The following PCDH7 variants were observed in gnomAD, a reference collection of about 807,000 sequenced individuals.
The protein encoded by PCDH7 is protocadherin 7, also known as protocadherin-7.
In PCDH7, 17 loss-of-function variants were observed where a neutral mutation model predicts 58.9. The observed-to-expected ratio is 0.29, with a 90% confidence interval of 0.20 to 0.43. The LOEUF is 0.43. PCDH7 is among the 20% of genes least tolerant of loss of function. The probability of loss-of-function intolerance (pLI) is 1.00; values close to 1 mark genes in which losing one functional copy is unlikely to be tolerated. For missense variants in PCDH7, 1,274 were observed against 1,441.0 expected, an observed-to-expected ratio of 0.88 and a Z score of 1.88; for synonymous variants, 664 against 616.4, an observed-to-expected ratio of 1.08 and a Z score of -1.14.
intron 3 of PCDH7, among the ~76,000 whole-genome samples, chr4:31,037,031 A>G (rs535829184): frequency 6.6e-6 from 1 of 152,142 alleles, no homozygotes; most frequent in Non-Finnish European, 1.5e-5. Flanking sequence ...CGTCCCTCCC[A>G]TAGCACATGG....
At chr4:30,795,004 C>T (rs1472478166) in intron 1 of PCDH7, among the ~76,000 whole-genome samples, 1 of 151,924 alleles carries the variant, frequency 6.6e-6, no homozygotes, top group Non-Finnish European at 1.5e-5. Context: ...ACTATTTTTC[C>T]TCCCTCTTGG....
intron 3 of PCDH7, among the ~76,000 whole-genome samples, chr4:31,103,169 G>A (rs963278643): frequency 3.9e-5 from 6 of 152,052 alleles, no homozygotes; most frequent in African/African-American, 2.4e-5. Context: ...TCACATTTTG[G>A]TAACCATATT....
intron 3 of PCDH7, among the ~76,000 whole-genome samples, chr4:31,009,226 A>G (rs1413447737): frequency 6.6e-6 from 1 of 152,104 alleles, no homozygotes; most frequent in Admixed American, 6.6e-5. Flanking sequence ...TAAATTGTCA[A>G]ACATATGAGA....
intron 3 of PCDH7, among the ~76,000 whole-genome samples, chr4:31,028,089 A>G (rs888844212): frequency 2.6e-5 from 4 of 152,256 alleles, no homozygotes; most frequent in Admixed American, 2.0e-4. Context: ...AATACTCTAG[A>G]AAGTATTCTT....
chr4:31,118,411 G>A (rs1485951872), intron 3 of PCDH7, among the ~76,000 whole-genome samples: 1 of 151,708 alleles, frequency 6.6e-6, no homozygotes, highest in Non-Finnish European at 1.5e-5. Flanking sequence ...TTTTAATGTT[G>A]TTCTAAAATA....
Position 30,738,499 on chromosome 4 carries a change from A to G in PCDH7, c.70+13903A>G, listed in dbSNP as rs981800392. 2.0e-5 allele frequency among the ~76,000 whole-genome samples: 3 copies of G among 152,156 alleles called. No homozygotes were observed. The South Asian group carries it at 6.2e-4, about 32-fold the overall frequency. On this transcript the variant is annotated intron_variant, in intron 1 of 3. Transcript: ENST00000509759. The stretch of plus-strand genomic sequence containing the variant: ...TTTAAAATACATTGTTTAGCTTACT[A>G]TATCTAACTTATTAGGCACATCACT...
chr4:31,087,383 C>T (rs1191347034), intron 3 of PCDH7, among the ~76,000 whole-genome samples: 1 of 152,084 alleles, frequency 6.6e-6, no homozygotes, highest in African/African-American at 2.4e-5. Context: ...ATGAATGATA[C>T]TATTCTTAAG....
chr4:30,788,603 T>C (rs983590374), intron 1 of PCDH7, among the ~76,000 whole-genome samples: 1 of 152,108 alleles, frequency 6.6e-6, no homozygotes, highest in Non-Finnish European at 1.5e-5. Context: ...TCTTAAAAGA[T>C]AATGGGACAT....
At chr4:31,088,364 G>T (rs1020383927) in intron 3 of PCDH7, among the ~76,000 whole-genome samples, 2 of 152,014 alleles carry the variant, frequency 1.3e-5, no homozygotes, top group Non-Finnish European at 2.9e-5. Flanking sequence ...CAGATTACAA[G>T]CTACGTGAAG....
At chr4:30,816,889 T>G (rs1727746349) in intron 1 of PCDH7, among the ~76,000 whole-genome samples, 1 of 152,126 alleles carries the variant, frequency 6.6e-6, no homozygotes, top group African/African-American at 2.4e-5. Flanking sequence ...GGCCTTTTGT[T>G]TGCATTCCAA....
intron 1 of PCDH7, among the ~76,000 whole-genome samples, chr4:30,811,407 A>T (rs183272629): frequency 2.0e-5 from 3 of 152,324 alleles, no homozygotes; most frequent in African/African-American, 7.2e-5. Context: ...AAAAAAAAGG[A>T]TGACAGTTTA....
At chr4:30,964,254 T>TTTA (rs1748775646) in intron 3 of PCDH7, among the ~76,000 whole-genome samples, 1 of 149,180 alleles carries the variant, frequency 6.7e-6, no homozygotes, top group African/African-American at 2.5e-5. Context: ...TTATTTATTT[T>TTTA]TTTTTGAGAT....
chr4:30,824,083 C>CTTTCTTTCTTTCTTTCT (rs1728725670), intron 1 of PCDH7, among the ~76,000 whole-genome samples: 15 of 10,860 alleles, frequency 1.4e-3, no homozygotes, highest in Non-Finnish European at 2.1e-3. Flanking sequence ...GGTTTCTTTT[C>CTTTCTTTCTTTCTTTCT]TTTCTTTCTT....
At chr4:30,864,125 T>G (rs1426476201) in intron 1 of PCDH7, among the ~76,000 whole-genome samples, 1 of 152,020 alleles carries the variant, frequency 6.6e-6, no homozygotes, top group Non-Finnish European at 1.5e-5. Context: ...TCTTTTTTTT[T>G]GTATTGATTT....
chr4:30,764,484 G>A (rs1224796492), intron 1 of PCDH7, among the ~76,000 whole-genome samples: 1 of 151,996 alleles, frequency 6.6e-6, no homozygotes, highest in African/African-American at 2.4e-5. Flanking sequence ...ATTTATTTAT[G>A]CAACAGTGCC....
intron 3 of PCDH7, among the ~76,000 whole-genome samples, chr4:31,023,068 A>G (rs978987761): frequency 3.3e-5 from 5 of 152,246 alleles, no homozygotes; most frequent in Non-Finnish European, 5.9e-5. Flanking sequence ...AAATGTTTGC[A>G]ATGGACATTG....
At chr4:31,079,026 T>C (rs1325042718) in intron 3 of PCDH7, among the ~76,000 whole-genome samples, 8 of 151,784 alleles carry the variant, frequency 5.3e-5, no homozygotes. Flanking sequence ...GAGTGGACAT[T>C]TACTTCACAA....
chr4:30,727,963 AAAGT>A (rs1714865336), intron 1 of PCDH7, among the ~76,000 whole-genome samples: 1 of 151,828 alleles, frequency 6.6e-6, no homozygotes, highest in Non-Finnish European at 1.5e-5. Context: ...TAGTAAATGG[AAAGT>A]AAGGTAATTT....
At chr4:31,120,780 C>T (rs557758663) in intron 3 of PCDH7, among the ~76,000 whole-genome samples, 1 of 152,204 alleles carries the variant, frequency 6.6e-6, no homozygotes, top group South Asian at 2.1e-4. Flanking sequence ...TAGCCAAATC[C>T]TTTTACCTCT....
Sources: allele counts gnomAD v4.1 joint callset (sites outside exome capture counted in the v4.1 genomes callset), GRCh38; gene constraint gnomAD v4.1.1; transcripts MANE v1.5; gene names NCBI Gene and HGNC (gene_info 2026-07-23, HGNC 2026-07-21).